CC2D1A: variants seen among roughly 807,000 people sequenced by gnomAD.
CC2D1A encodes the protein coiled-coil and C2 domain containing 1A, also known as coiled-coil and C2 domain-containing protein 1A.
A neutral mutation model predicts 123.8 loss-of-function variants in CC2D1A; 68 were observed. That is an observed-to-expected ratio of 0.55 (90% CI 0.45 to 0.67). CC2D1A has a LOEUF of 0.67. CC2D1A is among the 30% of genes least tolerant of loss of function. The probability of loss-of-function intolerance (pLI) is 0.00; values close to 1 mark genes in which losing one functional copy is unlikely to be tolerated. For missense variants in CC2D1A, 1,185 were observed against 1,290.3 expected (o/e 0.92, Z 1.25); for synonymous variants, 477 against 528.0 (o/e 0.90, Z 1.32).
At chr19:13,910,389 C>T (rs766588010) in intron 2 of CC2D1A, among the ~76,000 whole-genome samples, 148 of 119,204 alleles carry the variant, frequency 1.2e-3, no homozygotes, top group Admixed American at 3.0e-3. Context: ...GCCTGGGCGA[C>T]AGAGCAAGAC....
chr19:13,927,598 G>A, intron 22 of CC2D1A: 1 of 457,066 alleles, frequency 2.2e-6, no homozygotes, highest in Non-Finnish European at 4.0e-6. Context: ...CTAACATGGT[G>A]AAACCCTGTT....
chr19:13,925,931 A>ATATAT lies in CC2D1A; in HGVS notation c.1941-586_1941-585insTATAT, dbSNP rs1404458742. ...CAAGACTCTGTCTAAAAAAAAAAAA[A>ATATAT]AAATATATATATATATATATATATA... On this transcript the variant is annotated intron_variant, in intron 17 of 28. Coordinates refer to ENST00000318003, the MANE Select transcript of CC2D1A (RefSeq NM_017721.5). Among the ~76,000 whole-genome samples the ATATAT allele has an allele frequency of 5.3e-4, 52 of 98,114 alleles. 1 individual carries two copies. The highest frequency in any genetic ancestry group is 2.8e-3 in the African/African-American group (48 of 16,902). The allele number at this position is 98,114 out of a possible 152,430, so 64.4% of individuals were successfully genotyped here. A position where few individuals can be genotyped will look rare whatever the true frequency, so the allele number is the denominator to read the frequency against.
rs557856469 is a variant in CC2D1A, at chr19:13,920,750, C to T, written c.1469C>T (p.Ala490Val). Residue 490 changes from alanine (A) to valine (V), a missense_variant and splice_region_variant, in exon 14 of 29, where the codon GCC becomes GTC. Physicochemically the swap from Ala to Val is moderately conservative, Grantham distance 64. Coordinates refer to ENST00000318003, the MANE Select transcript of CC2D1A (RefSeq NM_017721.5). ...KAPPKATSTR[A>V]QQQLAFLEGR... Reference sequence around the variant, plus strand: ...CCCATAGCAGCTCCTATGCCCACAGCCCAGCAGCAGCTGGCCTTCCTAGAG... The same window carrying T: ...CCCATAGCAGCTCCTATGCCCACAGTCCAGCAGCAGCTGGCCTTCCTAGAG... 3.1e-6 allele frequency: 5 copies of T among 1,613,040 alleles called. No homozygotes were observed. In the South Asian group the frequency reaches 4.4e-5, roughly 14 times the overall value.
At chr19:13,911,387 C>T (rs770091502) in intron 2 of CC2D1A, among the ~76,000 whole-genome samples, 20 of 152,138 alleles carry the variant, frequency 1.3e-4, no homozygotes, top group Admixed American at 8.5e-4. Context: ...GCTTCATTGA[C>T]CTTCTCTGCT....
intron 17 of CC2D1A, among the ~76,000 whole-genome samples, chr19:13,926,045 C>CGTATATATATGTGTGTGTATATATATAT (rs1568419032): frequency 9.2e-6 from 1 of 108,180 alleles, no homozygotes; most frequent in Non-Finnish European, 1.6e-5. Flanking sequence ...TATATATATA[C>CGTATATATATGTGTGTGTATATATATAT]ACGTATATAT....
At chr19:13,925,918 TAA>T (rs34627490) in intron 17 of CC2D1A, among the ~76,000 whole-genome samples, 1,156 of 55,250 alleles carry the variant, frequency 0.021, 73 homozygotes, top group African/African-American at 0.074. Context: ...AGACTCTGTC[TAA>T]AAAAAAAAAA....
intron 17 of CC2D1A, among the ~76,000 whole-genome samples, chr19:13,925,182 T>C (rs1466286502): frequency 6.6e-6 from 1 of 152,222 alleles, no homozygotes; most frequent in Non-Finnish European, 1.5e-5. Flanking sequence ...TATGTACTTA[T>C]GCTCATCTGT....
At chr19:13,907,921 A>T (rs995228147) in intron 1 of CC2D1A, among the ~76,000 whole-genome samples, 1 of 152,180 alleles carries the variant, frequency 6.6e-6, no homozygotes, top group East Asian at 1.9e-4. Context: ...GTTAAACACG[A>T]TGTTATCACA....
At chr19:13,918,231 G>A (rs1415254050) in intron 7 of CC2D1A, 37 bp downstream of exon 7, 1 of 1,502,326 alleles carries the variant, frequency 6.7e-7, no homozygotes, top group Non-Finnish European at 8.9e-7. Context: ...GGAGGGATGG[G>A]GCAGGATGCT....
chr19:13,925,307 G>A (rs1422996430), intron 17 of CC2D1A, among the ~76,000 whole-genome samples: 4 of 152,032 alleles, frequency 2.6e-5, no homozygotes, highest in Admixed American at 6.6e-5. Flanking sequence ...GAGGCCAGGC[G>A]TGCTGGCTCA....
At chr19:13,927,774 T>A in intron 22 of CC2D1A, 119 bp from the exon 23 acceptor site, 1 of 1,051,046 alleles carries the variant, frequency 9.5e-7, no homozygotes. Flanking sequence ...AGAGCGAGAC[T>A]CTATCTCAGA....
chr19:13,925,355 T>C (rs944342245), intron 17 of CC2D1A, among the ~76,000 whole-genome samples: 1 of 151,726 alleles, frequency 6.6e-6, no homozygotes, highest in African/African-American at 2.4e-5. Flanking sequence ...CTGAGGTGGG[T>C]GGATCACGAG....
chr19:13,927,114 C>T, intron 21 of CC2D1A, 37 bp downstream of exon 21: 1 of 1,610,926 alleles, frequency 6.2e-7, no homozygotes, highest in Non-Finnish European at 8.5e-7. Context: ...GGGTGGGCTC[C>T]AGGGGAGGGG....
intron 1 of CC2D1A, among the ~76,000 whole-genome samples, chr19:13,908,731 C>T (rs1253359053): frequency 1.3e-5 from 2 of 152,200 alleles, no homozygotes; most frequent in Admixed American, 6.6e-5. Flanking sequence ...AGCCATCATG[C>T]TCTTGAAGCC....
intron 1 of CC2D1A, among the ~76,000 whole-genome samples, chr19:13,907,141 A>T (rs1970786575): frequency 1.3e-5 from 2 of 152,168 alleles, no homozygotes; most frequent in Admixed American, 1.3e-4. Context: ...TGTAAAATGG[A>T]GATCTCTATA....
chr19:13,906,569 C>G lies in CC2D1A; in HGVS notation c.60+68C>G, dbSNP rs570362776. ...CCCCCGTCACTCGCTCAGGGAAGGG[C>G]CCCACCCCCCAGGGAAGCCCGATCT... On this transcript the variant is annotated intron_variant, in intron 1 of 28. Transcript: ENST00000318003. The surrounding 1 kb of genome is among the most constrained non-coding windows in gnomAD (Gnocchi z 4.1). 7.0e-4 allele frequency: 738 copies of G among 1,061,212 alleles called. 3 individuals carry two copies. The African/African-American group carries it at 0.011, about 16-fold the overall frequency. 65.7% of individuals were successfully genotyped at this position (1,061,212 alleles called of 1,614,324 possible).
At chr19:13,927,783 GAAAAAAAAAAAACC>G in intron 22 of CC2D1A, 96 bp from the exon 23 acceptor site, 1 of 890,474 alleles carries the variant, frequency 1.1e-6, no homozygotes, top group Non-Finnish European at 1.6e-6. Flanking sequence ...CTCTATCTCA[GAAAAAAAAAAAACC>G]AAAAAAAAAA....
Position 13,917,508 on chromosome 19 carries a change from C to T in CC2D1A, c.749-562C>T, listed in dbSNP as rs372647165. Among the ~76,000 whole-genome samples the T allele has an allele frequency of 4.9e-4, 75 of 152,228 alleles. 2 individuals carry two copies. Among genetic ancestry groups the T allele is most frequent in the East Asian group, 4.8e-3 (25 of 5,184 alleles). On this transcript the variant is annotated intron_variant, in intron 6 of 28. Transcript: ENST00000318003. ...ACACCTGTAATCCTACTTTGGGAGG[C>T]CAAGGTGAGCAGATCACTTGAGGTC...
At chr19:13,921,653 A>G (rs544342009) in intron 14 of CC2D1A, among the ~76,000 whole-genome samples, 1 of 151,842 alleles carries the variant, frequency 6.6e-6, no homozygotes, top group African/African-American at 2.4e-5. Flanking sequence ...CATTGGCCCA[A>G]ACAGTCACAT....
Sources: allele counts gnomAD v4.1 joint callset (sites outside exome capture counted in the v4.1 genomes callset), GRCh38; gene constraint gnomAD v4.1.1; non-coding constraint Gnocchi (gnomAD v3.1); transcripts MANE v1.5; gene names NCBI Gene and HGNC (gene_info 2026-07-23, HGNC 2026-07-21).